The following THSD7B variants were observed in gnomAD, a reference collection of about 807,000 sequenced individuals.
THSD7B encodes the protein thrombospondin type 1 domain containing 7B.
In THSD7B, 138 loss-of-function variants were observed where a neutral mutation model predicts 213.6. The observed-to-expected ratio is 0.65, with a 90% confidence interval of 0.56 to 0.74. THSD7B has a LOEUF of 0.74. THSD7B is among the 30% of genes least tolerant of loss of function. The probability of loss-of-function intolerance (pLI) is 0.00; values close to 1 mark genes in which losing one functional copy is unlikely to be tolerated. For synonymous variants in THSD7B, 742 were observed against 687.0 expected (o/e 1.08, Z -1.25); for missense variants, 1,931 against 1,991.5 (o/e 0.97, Z 0.58).
At chr2:136,961,224 C>CTTTT (rs201759566) in intron 2 of THSD7B, among the ~76,000 whole-genome samples, 1 of 126,968 alleles carries the variant, frequency 7.9e-6, no homozygotes, top group Non-Finnish European at 1.6e-5. Flanking sequence ...TTTTTCTTTT[C>CTTTT]TTTTTTTTTT....
chr2:137,514,318 G>A (rs529504691), intron 15 of THSD7B, among the ~76,000 whole-genome samples: 37 of 152,244 alleles, frequency 2.4e-4, no homozygotes, highest in African/African-American at 7.2e-4. Flanking sequence ...AGTGTGGCCA[G>A]AATAAAAGGC....
chr2:137,554,679 T>C (rs1448935218), intron 15 of THSD7B, among the ~76,000 whole-genome samples: 1 of 152,092 alleles, frequency 6.6e-6, no homozygotes, highest in Non-Finnish European at 1.5e-5. Flanking sequence ...TTCATCTCAC[T>C]GGGGCGTGTC....
intron 17 of THSD7B, among the ~76,000 whole-genome samples, chr2:137,586,030 TGC>T (rs1425790610): frequency 2.1e-5 from 3 of 143,180 alleles, no homozygotes; most frequent in African/African-American, 7.8e-5. Flanking sequence ...CTGTATTGGG[TGC>T]ATTATATTTA....
intron 12 of THSD7B, among the ~76,000 whole-genome samples, chr2:137,386,351 C>G (rs1305684090): frequency 6.6e-6 from 1 of 152,112 alleles, no homozygotes; most frequent in African/African-American, 2.4e-5. Context: ...ATTGTAGGAA[C>G]ATTGGTTGAG....
chr2:136,802,306 C>G (rs1682197126), intron 1 of THSD7B, among the ~76,000 whole-genome samples: 1 of 151,880 alleles, frequency 6.6e-6, no homozygotes, highest in African/African-American at 2.4e-5. Context: ...AATTCACTTC[C>G]TTTTATTTCC....
intron 5 of THSD7B, among the ~76,000 whole-genome samples, chr2:137,144,996 A>G (rs1679666070): frequency 6.6e-6 from 1 of 152,010 alleles, no homozygotes; most frequent in African/African-American, 2.4e-5. Context: ...TATAAGATAT[A>G]ATTAAGATCT....
chr2:137,390,310 G>A (rs939584023), intron 12 of THSD7B, among the ~76,000 whole-genome samples: 1 of 151,782 alleles, frequency 6.6e-6, no homozygotes, highest in African/African-American at 2.4e-5. Context: ...ATTATAAATA[G>A]GATTGCCTTC....
intron 5 of THSD7B, among the ~76,000 whole-genome samples, chr2:137,129,290 T>C (rs1688683393): frequency 6.6e-6 from 1 of 152,158 alleles, no homozygotes; most frequent in African/African-American, 2.4e-5. Context: ...ATTTCTTTTT[T>C]CTCATTAGTA....
intron 20 of THSD7B, among the ~76,000 whole-genome samples, chr2:137,626,005 G>T (rs1280023153): frequency 6.6e-6 from 1 of 152,180 alleles, no homozygotes; most frequent in Non-Finnish European, 1.5e-5. Context: ...TACATCTAGG[G>T]CAGATTGAGC....
chr2:137,668,593 A>G (rs1036451334), intron 27 of THSD7B, among the ~76,000 whole-genome samples: 1 of 151,924 alleles, frequency 6.6e-6, no homozygotes, highest in East Asian at 1.9e-4. Flanking sequence ...ACTCTTGAAC[A>G]ATGTGAGGAG....
chr2:137,476,204 C>T (rs1407995373), intron 15 of THSD7B, among the ~76,000 whole-genome samples: 1 of 151,982 alleles, frequency 6.6e-6, no homozygotes, highest in Non-Finnish European at 1.5e-5. Context: ...CTTGTATATA[C>T]TGGATATTAT....
chr2:137,060,801 AT>A (rs925983735), intron 3 of THSD7B, among the ~76,000 whole-genome samples: 25 of 151,508 alleles, frequency 1.7e-4, no homozygotes, highest in Non-Finnish European at 2.8e-4. Context: ...CAGTCTTCCT[AT>A]TTTTTTTCTT....
At chr2:137,399,154 T>A (rs1373411416) in intron 12 of THSD7B, among the ~76,000 whole-genome samples, 1 of 151,602 alleles carries the variant, frequency 6.6e-6, no homozygotes, top group African/African-American at 2.4e-5. Context: ...AGCTGTAGAC[T>A]GGAGCTGTTC....
At position 137,069,194 on chromosome 2, in the gene THSD7B, G is replaced by A. The variant is rs765724853; in HGVS notation, c.950+11964G>A. Among the ~76,000 whole-genome samples the A allele has an allele frequency of 5.3e-5, 8 of 152,032 alleles. No homozygotes were observed. In the East Asian group the frequency reaches 1.5e-3, roughly 29 times the overall value. ...GGTTCCATTATTACATTTAAAAATA[G>A]CTGTCATATAGTCTGTTCATCATTC... On this transcript the variant is annotated intron_variant, in intron 3 of 27. Transcript: ENST00000409968.
intron 7 of THSD7B, among the ~76,000 whole-genome samples, chr2:137,225,220 C>T (rs577333189): frequency 6.6e-6 from 1 of 152,262 alleles, no homozygotes; most frequent in African/African-American, 2.4e-5. Context: ...TCACTTCCTC[C>T]CATCTCTTCG....
chr2:137,200,403 T>C (rs1164551406), intron 7 of THSD7B, among the ~76,000 whole-genome samples: 3 of 149,446 alleles, frequency 2.0e-5, no homozygotes, highest in African/African-American at 7.4e-5. Flanking sequence ...AGGCCAACCT[T>C]CCCATTTTTA....
At chr2:137,663,620 G>A in intron 26 of THSD7B, 45 bp downstream of exon 26, 2 of 1,520,576 alleles carry the variant, frequency 1.3e-6, no homozygotes, top group Non-Finnish European at 1.8e-6. Flanking sequence ...TCTCATGGGA[G>A]GTCTATATTT....
intron 6 of THSD7B, among the ~76,000 whole-genome samples, chr2:137,162,682 C>G (rs1212838582): frequency 6.6e-6 from 1 of 152,080 alleles, no homozygotes; most frequent in Non-Finnish European, 1.5e-5. Context: ...TGCTTTCTTT[C>G]TTTTTCTTTC....
intron 5 of THSD7B, among the ~76,000 whole-genome samples, chr2:137,141,925 T>G (rs190421309): frequency 3.3e-5 from 5 of 152,260 alleles, no homozygotes; most frequent in African/African-American, 1.2e-4. Context: ...AATTCAAGTT[T>G]TAATAGAGAT....
Sources: allele counts gnomAD v4.1 joint callset (sites outside exome capture counted in the v4.1 genomes callset), GRCh38; gene constraint gnomAD v4.1.1; transcripts MANE v1.5; gene names NCBI Gene and HGNC (gene_info 2026-07-23, HGNC 2026-07-21).